The following PTPRM variants were observed in gnomAD, a reference collection of about 807,000 sequenced individuals.
PTPRM encodes the protein protein tyrosine phosphatase receptor type M, also known as receptor-type tyrosine-protein phosphatase mu.
A neutral mutation model predicts 186.7 loss-of-function variants in PTPRM; 47 were observed. That is an observed-to-expected ratio of 0.25 (90% CI 0.20 to 0.32). The LOEUF is 0.32. Ranked by LOEUF, PTPRM falls within the 10% of genes least tolerant of loss-of-function variation. The pLI is 1.00. For synonymous variants in PTPRM, 668 were observed against 674.9 expected (o/e 0.99, Z 0.16); for missense variants, 1,494 against 1,865.0 (o/e 0.80, Z 3.66).
At chr18:7,669,822 A>G (rs1453657267) in intron 1 of PTPRM, among the ~76,000 whole-genome samples, 1 of 152,152 alleles carries the variant, frequency 6.6e-6, no homozygotes, top group East Asian at 1.9e-4. Context: ...TCCTGGGTTC[A>G]AGAGATTCTC....
chr18:8,014,360 AG>A (rs2084726328), intron 7 of PTPRM, among the ~76,000 whole-genome samples: 1 of 152,120 alleles, frequency 6.6e-6, no homozygotes, highest in African/African-American at 2.4e-5. Context: ...GTTATTTCAA[AG>A]GTTTTTTTGT....
rs577307134 is a variant in PTPRM at position 8,063,322 on chromosome 18, A to ACGGTGCGCG, written c.1133-6363_1133-6362insGGTGCGCGC. Reference sequence around the variant, plus strand: ...TGCCTCGCCCTGCTTCGGCTTGCGCACACCCACTGGCCTGCGCCCACTGTC... The same window carrying ACGGTGCGCG: ...TGCCTCGCCCTGCTTCGGCTTGCGCACGGTGCGCGCACCCACTGGCCTGCGCCCACTGTC... On this transcript the variant is annotated intron_variant, in intron 7 of 32. Transcript: ENST00000580170. Among the ~76,000 whole-genome samples the ACGGTGCGCG allele has an allele frequency of 4.1e-5, 6 of 146,770 alleles. No homozygotes were observed. In the South Asian group the frequency reaches 6.4e-4, roughly 16 times the overall value.
At chr18:8,015,121 C>T (rs879936950) in intron 7 of PTPRM, among the ~76,000 whole-genome samples, 6 of 152,110 alleles carry the variant, frequency 3.9e-5, no homozygotes, top group Non-Finnish European at 5.9e-5. Flanking sequence ...GAAAGGGCAT[C>T]TCATGTCTAT....
chr18:7,632,584 G>A (rs967623860), intron 1 of PTPRM, among the ~76,000 whole-genome samples: 1 of 152,134 alleles, frequency 6.6e-6, no homozygotes, highest in Admixed American at 6.5e-5. Flanking sequence ...CCAAGTTGGG[G>A]CGGCTGAAAA....
At chr18:8,274,945 C>A (rs767443678) in intron 19 of PTPRM, among the ~76,000 whole-genome samples, 2 of 152,178 alleles carry the variant, frequency 1.3e-5, no homozygotes, top group Non-Finnish European at 2.9e-5. Context: ...ATTTACGAGA[C>A]ATATATGATT....
chr18:8,360,299 A>C (rs1422279581), intron 23 of PTPRM, among the ~76,000 whole-genome samples: 1 of 152,192 alleles, frequency 6.6e-6, no homozygotes, highest in Non-Finnish European at 1.5e-5. Context: ...GAAAGACAGC[A>C]ACTTATGCAT....
chr18:8,367,357 A>C (rs924847426), intron 23 of PTPRM, among the ~76,000 whole-genome samples: 1 of 152,246 alleles, frequency 6.6e-6, no homozygotes. Context: ...CCCAGCACGC[A>C]TTCTAGAAGG....
At chr18:8,386,535 A>G (rs1477853273) in intron 30 of PTPRM, among the ~76,000 whole-genome samples, 2 of 152,238 alleles carry the variant, frequency 1.3e-5, no homozygotes, top group Non-Finnish European at 2.9e-5. Flanking sequence ...AGCTGTTTTC[A>G]TGTTTCTATC....
intron 1 of PTPRM, among the ~76,000 whole-genome samples, chr18:7,623,894 C>T (rs1234545996): frequency 6.6e-6 from 1 of 152,118 alleles, no homozygotes. Context: ...TGGACCAACC[C>T]CAGCTCTTTC....
chr18:8,052,911 G>T (rs1024275794), intron 7 of PTPRM, among the ~76,000 whole-genome samples: 1 of 152,142 alleles, frequency 6.6e-6, no homozygotes, highest in Non-Finnish European at 1.5e-5. Context: ...TGACTCTAAT[G>T]TGCATTTCTC....
At chr18:8,017,044 A>G (rs530602030) in intron 7 of PTPRM, among the ~76,000 whole-genome samples, 1 of 152,298 alleles carries the variant, frequency 6.6e-6, no homozygotes, top group South Asian at 2.1e-4. Context: ...TTCTACATTC[A>G]TCTATAAATT....
chr18:8,165,928 C>G (rs1056289496), intron 14 of PTPRM, among the ~76,000 whole-genome samples: 1 of 152,114 alleles, frequency 6.6e-6, no homozygotes, highest in Admixed American at 6.5e-5. Context: ...GGGCTCGGGT[C>G]CCTCTCAGTT....
chr18:8,369,701 A>C (rs535254275), intron 23 of PTPRM, among the ~76,000 whole-genome samples: 5 of 152,326 alleles, frequency 3.3e-5, no homozygotes, highest in African/African-American at 1.2e-4. Flanking sequence ...CATGCCTGTA[A>C]CCTCAACACT....
chr18:8,309,026 G>C (rs141511623), intron 20 of PTPRM, among the ~76,000 whole-genome samples: 132 of 152,264 alleles, frequency 8.7e-4, no homozygotes, highest in African/African-American at 2.9e-3. Flanking sequence ...TGTAAATGTA[G>C]CTTGTTCATT....
At chr18:7,677,698 G>A (rs919422516) in intron 1 of PTPRM, among the ~76,000 whole-genome samples, 7 of 151,978 alleles carry the variant, frequency 4.6e-5, no homozygotes, top group Non-Finnish European at 7.4e-5. Context: ...TGGGCATCAC[G>A]CTCCCCCTCT....
chr18:7,728,638 C>G (rs1316739265), intron 1 of PTPRM, among the ~76,000 whole-genome samples: 2 of 152,196 alleles, frequency 1.3e-5, no homozygotes, highest in East Asian at 3.9e-4. Flanking sequence ...CCCTTTGGGT[C>G]TTGGGTTTCA....
intron 20 of PTPRM, among the ~76,000 whole-genome samples, chr18:8,301,122 T>A (rs2095152828): frequency 6.6e-6 from 1 of 152,204 alleles, no homozygotes; most frequent in South Asian, 2.1e-4. Context: ...GGGAATTCAG[T>A]CAGCATATCT....
chr18:7,647,614 G>A (rs755966717), intron 1 of PTPRM, among the ~76,000 whole-genome samples: 5 of 152,210 alleles, frequency 3.3e-5, no homozygotes, highest in Non-Finnish European at 7.3e-5. Flanking sequence ...GTAAGGCTAC[G>A]CTGGTGTGTC....
chr18:7,581,852 T>C (rs2036854342), intron 1 of PTPRM, among the ~76,000 whole-genome samples: 1 of 151,984 alleles, frequency 6.6e-6, no homozygotes, highest in African/African-American at 2.4e-5. Flanking sequence ...AAGAGATGAC[T>C]TCTCGTTATG....
Sources: allele counts gnomAD v4.1 joint callset (sites outside exome capture counted in the v4.1 genomes callset), GRCh38; gene constraint gnomAD v4.1.1; transcripts MANE v1.5; gene names NCBI Gene and HGNC (gene_info 2026-07-23, HGNC 2026-07-21).